The following ZMAT4 variants were observed in gnomAD, a reference collection of about 807,000 sequenced individuals.
The protein encoded by ZMAT4 is zinc finger matrin-type 4, also known as zinc finger matrin-type protein 4.
A neutral mutation model predicts 28.7 loss-of-function variants in ZMAT4; 17 were observed. The observed-to-expected ratio is 0.59, with a 90% confidence interval of 0.41 to 0.89. The LOEUF is 0.89. Among genes scored for constraint, ZMAT4 ranks in the 40% least tolerant of loss-of-function variants. The probability of loss-of-function intolerance (pLI) is 0.00; values close to 1 mark genes in which losing one functional copy is unlikely to be tolerated. For synonymous variants in ZMAT4, 117 were observed against 109.2 expected, an observed-to-expected ratio of 1.07 and a Z score of -0.44; for missense variants, 240 against 283.8, an observed-to-expected ratio of 0.85 and a Z score of 1.11.
At chr8:40,795,612 T>G (rs1814563840) in intron 2 of ZMAT4, among the ~76,000 whole-genome samples, 1 of 152,188 alleles carries the variant, frequency 6.6e-6, no homozygotes, top group Non-Finnish European at 1.5e-5. Context: ...ACTGCTCTCA[T>G]CAGTGGAGTG....
intron 2 of ZMAT4, among the ~76,000 whole-genome samples, chr8:40,776,698 A>AT (rs941225727): frequency 3.3e-5 from 5 of 152,228 alleles, no homozygotes; most frequent in African/African-American, 1.2e-4. Flanking sequence ...AGCCAATGTG[A>AT]TCAGTATTAA....
chr8:40,625,005 A>T (rs1806319718), intron 5 of ZMAT4, among the ~76,000 whole-genome samples: 1 of 152,184 alleles, frequency 6.6e-6, no homozygotes, highest in Non-Finnish European at 1.5e-5. Context: ...TGGTAAAAGG[A>T]GGGGGCAGTG....
intron 2 of ZMAT4, among the ~76,000 whole-genome samples, chr8:40,805,303 G>A (rs1409095513): frequency 3.4e-5 from 5 of 146,112 alleles, no homozygotes; most frequent in Non-Finnish European, 4.5e-5. Context: ...GTGCTGGAGA[G>A]GATGTGGAGA....
At chr8:40,746,886 T>A (rs916802131) in intron 3 of ZMAT4, among the ~76,000 whole-genome samples, 1 of 152,202 alleles carries the variant, frequency 6.6e-6, no homozygotes, top group African/African-American at 2.4e-5. Flanking sequence ...ATGCTCTTCC[T>A]TAACCTTCTT....
intron 6 of ZMAT4, among the ~76,000 whole-genome samples, chr8:40,576,614 A>C (rs1804275521): frequency 6.6e-6 from 1 of 152,144 alleles, no homozygotes; most frequent in Non-Finnish European, 1.5e-5. Flanking sequence ...ACAAGCAAAA[A>C]CTGAAGAAAT....
intron 6 of ZMAT4, among the ~76,000 whole-genome samples, chr8:40,539,074 A>G (rs1185367632): frequency 1.3e-5 from 2 of 152,140 alleles, no homozygotes; most frequent in African/African-American, 4.8e-5. Flanking sequence ...ATGAGCCACC[A>G]CAACCGGCCT....
At chr8:40,860,219 G>A (rs1000956) in intron 1 of ZMAT4, among the ~76,000 whole-genome samples, 2 of 152,060 alleles carry the variant, frequency 1.3e-5, no homozygotes, top group African/African-American at 2.4e-5. Flanking sequence ...AATGATGATG[G>A]TTCTCATGGC....
chr8:40,599,354 A>G (rs1805215404), intron 5 of ZMAT4, among the ~76,000 whole-genome samples: 2 of 152,148 alleles, frequency 1.3e-5, no homozygotes. Context: ...ATATGTACAC[A>G]CACATACATA....
intron 4 of ZMAT4, among the ~76,000 whole-genome samples, chr8:40,694,564 C>T (rs1313652759): frequency 6.6e-6 from 1 of 152,088 alleles, no homozygotes; most frequent in East Asian, 1.9e-4. Context: ...CCAGAGCCTC[C>T]GATGCTGGTG....
rs143339658 is a variant in ZMAT4, at chr8:40,689,174, A to G, written c.349+8071T>C. Reference sequence around the variant, plus strand: ...GGCCCATGAAGAAAACAGATGATTAAAATACACTTCTGAGGGAGCCCCAGG... The same window carrying G: ...GGCCCATGAAGAAAACAGATGATTAGAATACACTTCTGAGGGAGCCCCAGG... On this transcript the variant is annotated intron_variant, in intron 4 of 6. Transcript: ENST00000297737. 4.6e-5 allele frequency among the ~76,000 whole-genome samples: 7 copies of G among 152,320 alleles called. No individual in the cohort carries two copies. In the East Asian group the frequency reaches 1.4e-3, roughly 29 times the overall value.
intron 2 of ZMAT4, among the ~76,000 whole-genome samples, chr8:40,783,812 A>G (rs753222486): frequency 3.9e-5 from 6 of 152,102 alleles, no homozygotes; most frequent in Non-Finnish European, 7.4e-5. Flanking sequence ...GGAGTTTGAG[A>G]CCAGCCCGGC....
chr8:40,779,886 G>A (rs1000321693), intron 2 of ZMAT4, among the ~76,000 whole-genome samples: 3 of 152,114 alleles, frequency 2.0e-5, no homozygotes, highest in Non-Finnish European at 2.9e-5. Context: ...AGGCCAACCC[G>A]CCGGCAACCT....
intron 2 of ZMAT4, among the ~76,000 whole-genome samples, chr8:40,814,702 A>C (rs1815462003): frequency 1.3e-5 from 2 of 152,378 alleles, no homozygotes; most frequent in Admixed American, 6.5e-5. Flanking sequence ...ATCTATATGC[A>C]TAGAATATTT....
chr8:40,882,370 T>C (rs989648501), intron 1 of ZMAT4, among the ~76,000 whole-genome samples: 2 of 152,216 alleles, frequency 1.3e-5, no homozygotes, highest in South Asian at 2.1e-4. Context: ...GGTGCTACCC[T>C]GGCAACGCTA....
intron 3 of ZMAT4, among the ~76,000 whole-genome samples, chr8:40,762,260 C>A (rs1432444402): frequency 1.3e-5 from 2 of 152,166 alleles, no homozygotes; most frequent in Non-Finnish European, 2.9e-5. Context: ...TGGGGTCTTG[C>A]ACATGTACGT....
intron 3 of ZMAT4, among the ~76,000 whole-genome samples, chr8:40,720,469 C>T (rs913270508): frequency 1.3e-5 from 2 of 150,560 alleles, no homozygotes; most frequent in Admixed American, 6.6e-5. Flanking sequence ...AGTGTGGCAT[C>T]AATGCCCAGC....
chr8:40,645,956 C>A (rs1210116057), intron 5 of ZMAT4, among the ~76,000 whole-genome samples: 1 of 151,916 alleles, frequency 6.6e-6, no homozygotes, highest in Admixed American at 6.6e-5. Context: ...ATCATAATCT[C>A]CTTATTGTGA....
intron 1 of ZMAT4, among the ~76,000 whole-genome samples, chr8:40,854,472 T>C (rs1203794719): frequency 9.9e-5 from 15 of 152,224 alleles, no homozygotes; most frequent in Non-Finnish European, 2.2e-4. Flanking sequence ...ACCTCAGTGA[T>C]GACAAAATGG....
intron 3 of ZMAT4, among the ~76,000 whole-genome samples, chr8:40,742,582 C>A (rs1812054084): frequency 6.6e-6 from 1 of 152,052 alleles, no homozygotes; most frequent in Non-Finnish European, 1.5e-5. Context: ...CAGAAATGTA[C>A]AAACTGATTT....
Sources: gnomAD v4.1 joint callset for allele counts (sites outside exome capture counted in the v4.1 genomes callset) on GRCh38, gnomAD v4.1.1 for gene constraint, MANE v1.5 for transcripts, NCBI Gene and HGNC (gene_info 2026-07-23, HGNC 2026-07-21) for gene names.